The following CTDSP1 variants were observed in gnomAD, a reference collection of about 807,000 sequenced individuals.
The protein encoded by CTDSP1 is CTD small phosphatase 1, also known as carboxy-terminal domain RNA polymerase II polypeptide A small phosphatase 1.
In CTDSP1, 15 loss-of-function variants were observed where a neutral mutation model predicts 32.5. The ratio of observed to expected loss-of-function variants is 0.46; its 90% CI spans 0.31 to 0.71. The LOEUF (loss-of-function observed/expected upper bound fraction) is 0.71. Ranked by LOEUF, CTDSP1 falls within the 30% of genes least tolerant of loss-of-function variation. The probability of loss-of-function intolerance (pLI) is 0.05; values close to 1 mark genes in which losing one functional copy is unlikely to be tolerated. For synonymous variants in CTDSP1, 185 were observed against 145.4 expected (o/e 1.27, Z -1.96); for missense variants, 294 against 351.1 (o/e 0.84, Z 1.30).
intron 6 of CTDSP1, among the ~76,000 whole-genome samples, chr2:218,403,945 G>A (rs990233450): frequency 2.0e-5 from 3 of 152,070 alleles, no homozygotes; most frequent in Non-Finnish European, 4.4e-5. Context: ...CTGGAGTCCC[G>A]GCTATGCAGA....
At position 218,404,434 on chromosome 2, in the gene CTDSP1, A is replaced by T. The variant is rs774432497; in HGVS notation, c.*9A>T. On this transcript the variant is annotated 3_prime_UTR_variant, in exon 7 of 7. Transcript: ENST00000273062. ...CACGGCCAGGGAGCTAGTGAGGGTG[A>T]TGGGGCCAGGACCTGCCCCTGACCA... 6.2e-7 allele frequency: 1 copy of T among 1,613,898 alleles called. No individual in the cohort carries two copies. Among genetic ancestry groups the T allele is most frequent in the Admixed American group, 1.7e-5 (1 of 60,006 alleles).
chr2:218,396,924 T>G (rs1316765481), upstream of CTDSP1: 1 of 152,224 alleles, frequency 6.6e-6, no homozygotes, highest in East Asian at 1.9e-4. Flanking sequence ...GAGACAGCTG[T>G]GCAAACAAGT....
chr2:218,404,220 G>C, intron 6 of CTDSP1, 77 bp from the exon 7 acceptor site: 1 of 1,553,322 alleles, frequency 6.4e-7, no homozygotes, highest in Non-Finnish European at 8.8e-7. Context: ...TCTGAGTAGT[G>C]GCTACATAGG....
rs764379742 is a variant in CTDSP1 at position 218,402,161 on chromosome 2, C to G, written c.267C>G (p.Asp89Glu). The G allele has an allele frequency of 6.2e-7, 1 of 1,613,786 alleles. No homozygotes were observed. Among genetic ancestry groups the G allele is most frequent in the South Asian group, 1.1e-5 (1 of 91,070 alleles). The part of the protein sequence containing the change: ...LLPEAKAQDS[D>E]KICVVIDLDE... ...CTGAGGCCAAGGCCCAGGACTCAGA[C>G]AAGATCTGCGTGGTCATCGACCTGG... The change falls in exon 3 of 7, where the codon GAC (aspartate) becomes GAG (glutamate). Residue 89 changes from aspartate (D) to glutamate (E), a missense_variant. Physicochemically the swap from Asp to Glu is conservative, Grantham distance 45. This residue lies in a region of CTDSP1 where 148 missense variants were observed against 113.3 expected (regional missense o/e 1.31). Coordinates refer to ENST00000273062, the MANE Select transcript of CTDSP1 (RefSeq NM_021198.3).
intron 1 of CTDSP1, chr2:218,400,850 C>T (rs1156732744): frequency 4.4e-6 from 2 of 456,214 alleles, no homozygotes; most frequent in East Asian, 1.4e-4. Flanking sequence ...GGGGGTCTGT[C>T]TTCTCCTTTT....
At chr2:218,401,749 G>T (rs911830142) in intron 2 of CTDSP1, 37 bp downstream of exon 2, 3 of 1,516,924 alleles carry the variant, frequency 2.0e-6, no homozygotes, top group Non-Finnish European at 2.6e-6. Flanking sequence ...GGGGCACCTG[G>T]ACTCAGTCTT....
chr2:218,401,459 G>T, intron 1 of CTDSP1, 105 bp from the exon 2 acceptor site: 1 of 1,343,948 alleles, frequency 7.4e-7, no homozygotes, highest in South Asian at 1.3e-5. Context: ...GGATGAAGGG[G>T]CCACGGCAAG....
At chr2:218,403,647 C>T in intron 6 of CTDSP1, 1 of 448,864 alleles carries the variant, frequency 2.2e-6, no homozygotes, top group African/African-American at 2.0e-5. Context: ...ACAGGGGCCC[C>T]CACAGGGCAA....
intron 4 of CTDSP1, chr2:218,402,815 G>C (rs553269999): frequency 2.9e-6 from 2 of 689,800 alleles, no homozygotes; most frequent in Non-Finnish European, 5.4e-6. Context: ...TAGGGACCTC[G>C]TGAGGTAGGA....
rs777002513 is a variant in CTDSP1 at position 218,400,975 on chromosome 2, G to C, written c.68-589G>C. The stretch of plus-strand genomic sequence containing the variant: ...AAAGGCTAGTTGCAGGGGGCCGGAG[G>C]GGGGTGGGGTGGGAGGGGTATCTGT... On this transcript the variant is annotated intron_variant, in intron 1 of 6. Coordinates refer to ENST00000273062, the MANE Select transcript of CTDSP1 (RefSeq NM_021198.3). 4.0e-4 allele frequency: 180 copies of C among 447,692 alleles called. 1 individual carries two copies. Among genetic ancestry groups the C allele is most frequent in the Middle Eastern group, 2.9e-3 (4 of 1,400 alleles). 27.7% of individuals were successfully genotyped at this position (447,692 alleles called of 1,614,324 possible).
rs767903259 is a variant in CTDSP1, at chr2:218,400,837, T to TG, written c.67+687dup. On this transcript the variant is annotated intron_variant, in intron 1 of 6. Coordinates refer to ENST00000273062, the MANE Select transcript of CTDSP1 (RefSeq NM_021198.3). ...GTCCCCCAGCGTGGCTGGGCCGGGGTGGGGGGGTCTGTCTTCTCCTTTTCC... is the reference window on the plus strand; with the variant it reads ...GTCCCCCAGCGTGGCTGGGCCGGGGTGGGGGGGGTCTGTCTTCTCCTTTTCC... 3.5e-4 allele frequency: 157 copies of TG among 454,020 alleles called. 1 individual carries two copies. Among genetic ancestry groups the TG allele is most frequent in the African/African-American group, 6.8e-4 (34 of 49,646 alleles). The allele number at this position is 454,020 out of a possible 1,614,324, so 28.1% of individuals were successfully genotyped here. A position where few individuals can be genotyped will look rare whatever the true frequency, so the allele number is the denominator to read the frequency against.
intron 6 of CTDSP1, among the ~76,000 whole-genome samples, chr2:218,404,068 A>T (rs1697294007): frequency 6.6e-6 from 1 of 152,232 alleles, no homozygotes; most frequent in Non-Finnish European, 1.5e-5. Flanking sequence ...TCAAAAAAAA[A>T]AAAAAGTATC....
upstream of CTDSP1, chr2:218,398,328 A>G: frequency 1.6e-6 from 2 of 1,253,484 alleles, no homozygotes; most frequent in Non-Finnish European, 2.2e-6. Flanking sequence ...AGGCCGTTCT[A>G]AGGGGTAAAT....
In CTDSP1 at chr2:218,400,493, G is replaced by A. The variant is rs1372758828; in HGVS notation, c.67+336G>A. On this transcript the variant is annotated intron_variant, in intron 1 of 6. Coordinates refer to ENST00000273062, the MANE Select transcript of CTDSP1 (RefSeq NM_021198.3). ...GGCGCCAATGGGGCTGGGAGATGGG[G>A]GAGCTGAGGAGGGCGCCTATGGGCC... The A allele has an allele frequency of 7.1e-6, 3 of 419,630 alleles. No individual in the cohort carries two copies. In the Admixed American group the frequency reaches 1.1e-4, roughly 15 times the overall value. 26.0% of individuals were successfully genotyped at this position (419,630 alleles called of 1,614,324 possible). A position where few individuals can be genotyped will look rare whatever the true frequency, so the allele number is the denominator to read the frequency against.
At chr2:218,398,460 G>T (rs915585468), upstream of CTDSP1, 46 of 1,531,172 alleles carry the variant, frequency 3.0e-5, no homozygotes, top group Non-Finnish European at 4.0e-5. Flanking sequence ...AGGGCCGAGG[G>T]ATCCAGCCCG....
At chr2:218,402,065 C>A in intron 2 of CTDSP1, 46 bp from the exon 3 acceptor site, 1 of 1,338,636 alleles carries the variant, frequency 7.5e-7, no homozygotes, top group Non-Finnish European at 1.1e-6. Context: ...GGAGGAAGGA[C>A]CAGGCCCGGA....
At chr2:218,398,944 C>T (rs1309676158), upstream of CTDSP1, 2 of 152,324 alleles carry the variant, frequency 1.3e-5, no homozygotes, top group Non-Finnish European at 2.9e-5. Context: ...GCCTTGAGGG[C>T]CTCTGGTTTG....
At chr2:218,399,807 C>T, upstream of CTDSP1, 3 of 1,140,518 alleles carry the variant, frequency 2.6e-6, no homozygotes, top group Non-Finnish European at 3.2e-6. Context: ...GAGTCCAGGT[C>T]ACGCCGAAGC....
rs1225892840 is a variant in CTDSP1 at position 218,405,114 on chromosome 2, G to A, written c.*689G>A. 6.5e-6 allele frequency: 1 copy of A among 152,900 alleles called. No individual in the cohort carries two copies. Among genetic ancestry groups the A allele is most frequent in the Non-Finnish European group, 1.5e-5 (1 of 68,188 alleles). The allele number at this position is 152,900 out of a possible 1,614,324, so 9.5% of individuals were successfully genotyped here. A position where few individuals can be genotyped will look rare whatever the true frequency, so the allele number is the denominator to read the frequency against. On this transcript the variant is annotated 3_prime_UTR_variant, in exon 7 of 7. Transcript: ENST00000273062. ...AGACTTCTGCCTTAACCAGCCCCGG[G>A]GCTTGGCTCCCCCAGCTCTGAGCGT...
Sources: allele counts gnomAD v4.1 joint callset (sites outside exome capture counted in the v4.1 genomes callset), GRCh38; gene constraint gnomAD v4.1.1; regional missense constraint gnomAD v4.1.1; transcripts MANE v1.5; gene names NCBI Gene and HGNC (gene_info 2026-07-23, HGNC 2026-07-21).